FHOD3: variants seen among roughly 807,000 people sequenced by gnomAD.
The protein encoded by FHOD3 is FH1/FH2 domain-containing protein 3.
FHOD3 carries 90 observed loss-of-function variants against 173.0 expected under a neutral mutation model. That is an observed-to-expected ratio of 0.52 (90% CI 0.44 to 0.62). FHOD3 has a LOEUF of 0.62. Ranked by LOEUF, FHOD3 falls within the 20% of genes least tolerant of loss-of-function variation. The probability of loss-of-function intolerance (pLI) is 0.00; values close to 1 mark genes in which losing one functional copy is unlikely to be tolerated. For missense variants in FHOD3, 1,945 were observed against 2,034.7 expected, an observed-to-expected ratio of 0.96 and a Z score of 0.85; for synonymous variants, 828 against 823.0, an observed-to-expected ratio of 1.01 and a Z score of -0.10.
chr18:36,474,072 G>A (rs970124445), intron 3 of FHOD3, among the ~76,000 whole-genome samples: 1 of 152,150 alleles, frequency 6.6e-6, no homozygotes, highest in African/African-American at 2.4e-5. Flanking sequence ...TTCTTCCATT[G>A]ACCTTGAACA....
intron 8 of FHOD3, among the ~76,000 whole-genome samples, chr18:36,607,242 A>G (rs905326168): frequency 6.6e-6 from 1 of 152,058 alleles, no homozygotes; most frequent in Non-Finnish European, 1.5e-5. Context: ...CGGCTCTTGT[A>G]TTTTCCACAC....
chr18:36,475,972 G>A (rs1321572349), intron 3 of FHOD3, among the ~76,000 whole-genome samples: 1 of 151,996 alleles, frequency 6.6e-6, no homozygotes, highest in Non-Finnish European at 1.5e-5. Context: ...CAATTACTAG[G>A]TATTTTAGGA....
intron 7 of FHOD3, among the ~76,000 whole-genome samples, chr18:36,600,187 C>T (rs1785357811): frequency 6.6e-6 from 1 of 151,546 alleles, no homozygotes; most frequent in African/African-American, 2.4e-5. Flanking sequence ...CAGTTTCTTT[C>T]TCTGTTATGT....
chr18:36,491,191 C>T (rs1197739484), intron 3 of FHOD3, among the ~76,000 whole-genome samples: 1 of 152,168 alleles, frequency 6.6e-6, no homozygotes, highest in African/African-American at 2.4e-5. Flanking sequence ...TTGTGCCCTC[C>T]ATGAGCCTGG....
At chr18:36,341,732 G>A (rs1265919145) in intron 1 of FHOD3, among the ~76,000 whole-genome samples, 2 of 152,144 alleles carry the variant, frequency 1.3e-5, no homozygotes, top group Admixed American at 6.5e-5. Context: ...ATCCAGTTTC[G>A]AGTGAGTTTA....
intron 9 of FHOD3, among the ~76,000 whole-genome samples, chr18:36,622,375 A>G (rs555726610): frequency 6.6e-6 from 1 of 152,330 alleles, no homozygotes; most frequent in South Asian, 2.1e-4. Flanking sequence ...AATTCTTAAG[A>G]ATGTTCAGAT....
At chr18:36,653,116 T>G (rs964759305) in intron 12 of FHOD3, among the ~76,000 whole-genome samples, 187 bp downstream of exon 12, 1 of 152,232 alleles carries the variant, frequency 6.6e-6, no homozygotes, top group African/African-American at 2.4e-5. Flanking sequence ...TTACATAAGA[T>G]GCAGAGAAAA....
chr18:36,497,759 G>C (rs1190755182), intron 3 of FHOD3, among the ~76,000 whole-genome samples: 2 of 152,116 alleles, frequency 1.3e-5, no homozygotes, highest in Non-Finnish European at 1.5e-5. Flanking sequence ...GTAATAGTTG[G>C]AGACTTCAAC....
At chr18:36,373,888 C>T (rs190604750) in intron 3 of FHOD3, among the ~76,000 whole-genome samples, 2 of 152,318 alleles carry the variant, frequency 1.3e-5, no homozygotes, top group African/African-American at 2.4e-5. Flanking sequence ...AATCATGTCT[C>T]TCTAAAGGAA....
chr18:36,387,862 T>C (rs1413905897), intron 3 of FHOD3, among the ~76,000 whole-genome samples: 1 of 152,058 alleles, frequency 6.6e-6, no homozygotes, highest in Non-Finnish European at 1.5e-5. Context: ...TACTCCTGCT[T>C]GCCAGTGAGA....
At chr18:36,759,171 C>T (rs1037214045) in intron 26 of FHOD3, 30 bp downstream of exon 26, 1 of 1,531,562 alleles carries the variant, frequency 6.5e-7, no homozygotes, top group Non-Finnish European at 8.7e-7. Flanking sequence ...TGAAGAATGC[C>T]ACATTTTACC....
intron 3 of FHOD3, among the ~76,000 whole-genome samples, chr18:36,456,246 A>AC (rs2052205750): frequency 2.0e-5 from 3 of 152,124 alleles, no homozygotes; most frequent in Admixed American, 2.0e-4. Context: ...TCTTTGCATG[A>AC]CCTTTCATGA....
intron 3 of FHOD3, among the ~76,000 whole-genome samples, chr18:36,393,482 T>C (rs1253567465): frequency 6.6e-6 from 1 of 152,140 alleles, no homozygotes; most frequent in Non-Finnish European, 1.5e-5. Flanking sequence ...CAAAAGATAC[T>C]CCTAGACATT....
intron 10 of FHOD3, among the ~76,000 whole-genome samples, chr18:36,630,117 A>G (rs2148849859): frequency 6.6e-6 from 1 of 152,294 alleles, no homozygotes. Flanking sequence ...TGGCTATTGG[A>G]AAGGGTAGTT....
chr18:36,573,132 T>C (rs1196824336), intron 5 of FHOD3, among the ~76,000 whole-genome samples: 2 of 149,794 alleles, frequency 1.3e-5, no homozygotes. Context: ...CCTCACATTA[T>C]TCAGTCTTAT....
At chr18:36,701,154 A>C (rs907273622) in intron 17 of FHOD3, among the ~76,000 whole-genome samples, 19 of 152,214 alleles carry the variant, frequency 1.2e-4, no homozygotes, top group Non-Finnish European at 2.2e-4. Context: ...TGACAAAAGA[A>C]AGCAGACTCA....
intron 1 of FHOD3, among the ~76,000 whole-genome samples, chr18:36,312,954 G>C (rs1181940788): frequency 6.6e-6 from 1 of 152,170 alleles, no homozygotes; most frequent in Admixed American, 6.5e-5. Flanking sequence ...GCCGGCCCTG[G>C]TATCATCTCA....
intron 3 of FHOD3, among the ~76,000 whole-genome samples, chr18:36,375,593 T>C (rs2047401356): frequency 6.6e-6 from 1 of 152,216 alleles, no homozygotes; most frequent in African/African-American, 2.4e-5. Flanking sequence ...GAGTTGGAGG[T>C]GAGGTGCTTT....
At chr18:36,606,508 G>A (rs1458000762) in intron 8 of FHOD3, among the ~76,000 whole-genome samples, 4 of 152,036 alleles carry the variant, frequency 2.6e-5, no homozygotes, top group East Asian at 1.9e-4. Context: ...TGTTTCTAAC[G>A]CATGAACTTT....
Sources: allele counts gnomAD v4.1 joint callset (sites outside exome capture counted in the v4.1 genomes callset), GRCh38; gene constraint gnomAD v4.1.1; transcripts MANE v1.5; gene names NCBI Gene and HGNC (gene_info 2026-07-23, HGNC 2026-07-21).